The following IQGAP1 variants were observed in gnomAD, a reference collection of about 807,000 sequenced individuals.
The protein encoded by IQGAP1 is ras GTPase-activating-like protein IQGAP1.
IQGAP1 carries 66 observed loss-of-function variants against 215.6 expected under a neutral mutation model. The observed-to-expected ratio is 0.31, with a 90% CI of 0.25 to 0.38. IQGAP1 has a LOEUF of 0.38. IQGAP1 is among the 10% of genes least tolerant of loss of function. The pLI, the probability that IQGAP1 is intolerant of heterozygous loss-of-function variation, is 1.00. For synonymous variants in IQGAP1, 772 were observed against 728.7 expected (o/e 1.06, Z -0.96); for missense variants, 1,712 against 1,997.1 (o/e 0.86, Z 2.72).
rs761822160 is a variant in IQGAP1 at position 90,477,659 on chromosome 15, TTA to T, written c.3105-3_3105-2del. On this transcript the variant is annotated splice_polypyrimidine_tract_variant and splice_region_variant and intron_variant, in intron 25 of 37. Coordinates refer to ENST00000268182, the MANE Select transcript of IQGAP1 (RefSeq NM_003870.4). ...CAAGTTTAAATTTTTATCTGATGTT[TTA>T]TAGGTCGAAGGTAGATCAGATTCAA... The T allele has an allele frequency of 1.3e-6, 2 of 1,595,856 alleles. No homozygotes were observed. Among genetic ancestry groups the T allele is most frequent in the South Asian group, 2.2e-5 (2 of 90,682 alleles).
At position 90,487,594 on chromosome 15, in the gene IQGAP1, G is replaced by A. The variant is rs1433783722; in HGVS notation, c.4248+12G>A. 1 of 1,575,714 alleles carries A rather than the reference G, an allele frequency of 6.3e-7. No homozygotes were observed. The highest frequency in any genetic ancestry group is 8.7e-7 in the Non-Finnish European group (1 of 1,145,640). ...CCACCAGTGAACAGGTAAAATTTAG[G>A]GTCTAACATACTCCTTTGTTTGGTA... On this transcript the variant is annotated intron_variant, in intron 33 of 37. Coordinates refer to ENST00000268182, the MANE Select transcript of IQGAP1 (RefSeq NM_003870.4).
chr15:90,434,398 A>AT (rs1366185087), intron 5 of IQGAP1, among the ~76,000 whole-genome samples: 6 of 152,218 alleles, frequency 3.9e-5, no homozygotes, highest in African/African-American at 1.4e-4. Context: ...AGATTGCACC[A>AT]TTGCACTCCA....
chr15:90,486,404 C>A, intron 31 of IQGAP1: 1 of 273,406 alleles, frequency 3.7e-6, no homozygotes, highest in Non-Finnish European at 6.9e-6. Context: ...AAAAAAATTG[C>A]AGATACATAA....
At chr15:90,485,720 G>A (rs561752309) in intron 30 of IQGAP1, among the ~76,000 whole-genome samples, 4 of 152,212 alleles carry the variant, frequency 2.6e-5, no homozygotes, top group Admixed American at 2.0e-4. Context: ...AATTACAGAC[G>A]TGAGCCACTG....
In IQGAP1 at chr15:90,429,613, A is replaced by G. The variant is rs1457708216; in HGVS notation, c.337A>G (p.Thr113Ala). Residue 113 changes from threonine (T) to alanine (A), a missense_variant, in exon 4 of 38, where the codon ACT (threonine) becomes GCT (alanine). This residue lies in a region of IQGAP1 where 1,021 missense variants were observed against 1,074.2 expected (regional missense o/e 0.95). Coordinates refer to ENST00000268182, the MANE Select transcript of IQGAP1 (RefSeq NM_003870.4). ...YKATGLHFRH[T>A]DNVIQWLNAM... ...GGCGACTGGCCTCCACTTTAGACAC[A>G]CTGATAATGTGATTCAGTGGTTGAA... 6.2e-7 allele frequency: 1 copy of G among 1,607,366 alleles called. No individual in the cohort carries two copies. Among genetic ancestry groups the G allele is most frequent in the East Asian group, 2.2e-5 (1 of 44,646 alleles).
At chr15:90,441,421 A>G (rs986031949) in intron 7 of IQGAP1, 85 bp from the exon 8 acceptor site, 45 of 1,171,530 alleles carry the variant, frequency 3.8e-5, no homozygotes, top group Admixed American at 1.2e-4. Context: ...GGGGGGTGCA[A>G]TGTTGCTTTC....
At chr15:90,481,570 C>T (rs1227557511) in intron 26 of IQGAP1, among the ~76,000 whole-genome samples, 1 of 152,162 alleles carries the variant, frequency 6.6e-6, no homozygotes, top group Non-Finnish European at 1.5e-5. Flanking sequence ...GTTTTGGAAG[C>T]TTTCCTTGCT....
Position 90,439,381 on chromosome 15 carries a change from G to A in IQGAP1, c.517G>A (p.Gly173Arg), listed in dbSNP as rs1965416990. 6.2e-7 allele frequency: 1 copy of A among 1,612,658 alleles called. No individual in the cohort carries two copies. The highest frequency in any genetic ancestry group is 8.5e-7 in the Non-Finnish European group (1 of 1,179,056). The change falls in exon 6 of 38, where the codon GGA becomes AGA. Residue 173 changes from glycine (G) to arginine (R), a missense_variant. Gly to Arg is a moderately radical substitution (Grantham distance 125). This residue lies in a region of IQGAP1 where 1,021 missense variants were observed against 1,074.2 expected (regional missense o/e 0.95). Transcript: ENST00000268182. ...GGCCCCTCAGATTCAAGACCTATAT[G>A]GAAAGGTTGACTTCACAGGTAAGGA... is the stretch of plus-strand genomic sequence containing the variant. The part of the protein sequence containing the change: ...GLAPQIQDLY[G>R]KVDFTEEEIN...
At chr15:90,414,839 G>C (rs1034541135) in intron 2 of IQGAP1, among the ~76,000 whole-genome samples, 1 of 152,114 alleles carries the variant, frequency 6.6e-6, no homozygotes, top group African/African-American at 2.4e-5. Flanking sequence ...GACATTTCAA[G>C]CTGAACATGT....
intron 28 of IQGAP1, 101 bp downstream of exon 28, chr15:90,482,382 GC>G: frequency 9.2e-7 from 1 of 1,081,358 alleles, no homozygotes; most frequent in Non-Finnish European, 1.4e-6. Flanking sequence ...GTAGGTTCTG[GC>G]AGTAGCTTAC....
intron 1 of IQGAP1, among the ~76,000 whole-genome samples, chr15:90,389,105 G>A (rs1964597157): frequency 6.6e-6 from 1 of 152,108 alleles, no homozygotes. Flanking sequence ...CTTTTTTAAA[G>A]GATCAACATT....
chr15:90,441,714 T>A (rs2151019487), intron 8 of IQGAP1, 30 bp downstream of exon 8: 1 of 1,460,560 alleles, frequency 6.8e-7, no homozygotes, highest in Non-Finnish European at 9.5e-7. Flanking sequence ...TCTTTCTAAT[T>A]AATTTATATT....
chr15:90,483,340 T>C (rs1167012740), intron 28 of IQGAP1, 21 bp from the exon 29 acceptor site: 1 of 1,569,408 alleles, frequency 6.4e-7, no homozygotes, highest in East Asian at 2.2e-5. Context: ...AATACCCATC[T>C]TTCTGTTTCG....
chr15:90,448,688 C>G lies in IQGAP1; in HGVS notation c.1029C>G (p.Ser343Arg). ...LGLRGLQQQNSDWYLKQLLSD... is the reference protein window; with the variant it reads ...LGLRGLQQQNRDWYLKQLLSD... Reference sequence around the variant, plus strand: ...TTCGAGGACTGCAGCAACAGAATAGCGACTGGTACTTGAAGCAGCTCCTGA... The same window carrying G: ...TTCGAGGACTGCAGCAACAGAATAGGGACTGGTACTTGAAGCAGCTCCTGA... Residue 343 changes from serine (S) to arginine (R), a missense_variant, in exon 10 of 38, where the codon AGC (serine) becomes AGG (arginine). Around this residue, in one of 2 missense-constraint regions of IQGAP1, gnomAD observed 1,021 missense variants for 1,074.2 expected, o/e 0.95. Coordinates refer to ENST00000268182, the MANE Select transcript of IQGAP1 (RefSeq NM_003870.4). 1 of 1,609,330 alleles carries G rather than the reference C, an allele frequency of 6.2e-7. No individual in the cohort carries two copies. The highest frequency in any genetic ancestry group is 8.5e-7 in the Non-Finnish European group (1 of 1,177,988).
In IQGAP1 at chr15:90,486,393, T is replaced by TAA. The variant is rs35509442; in HGVS notation, c.4024+267_4024+268dup. Reference sequence around the variant, plus strand: ...TACATACTGCCAGCTTGTGTTTTTTTAAAAAAATTGCAGATACATAAATTA... The same window carrying TAA: ...TACATACTGCCAGCTTGTGTTTTTTTAAAAAAAAATTGCAGATACATAAATTA... On this transcript the variant is annotated intron_variant, in intron 31 of 37. Transcript: ENST00000268182. 5 of 281,356 alleles carry TAA rather than the reference T, an allele frequency of 1.8e-5. No homozygotes were observed. The Admixed American group carries it at 2.5e-4, about 14-fold the overall frequency. The allele number at this position is 281,356 out of a possible 1,614,324, so 17.4% of individuals were successfully genotyped here.
At chr15:90,414,547 C>T (rs1169933605) in intron 2 of IQGAP1, among the ~76,000 whole-genome samples, 1 of 152,122 alleles carries the variant, frequency 6.6e-6, no homozygotes, top group Admixed American at 6.6e-5. Context: ...GTGACCTCTA[C>T]CAGTTTGCTG....
At chr15:90,490,027 T>C (rs1966181509) in intron 33 of IQGAP1, among the ~76,000 whole-genome samples, 1 of 152,208 alleles carries the variant, frequency 6.6e-6, no homozygotes, top group Admixed American at 6.5e-5. Flanking sequence ...TTATGCTGTT[T>C]ACATTATGTG....
At chr15:90,400,728 T>G (rs1289345094) in intron 2 of IQGAP1, among the ~76,000 whole-genome samples, 1 of 152,244 alleles carries the variant, frequency 6.6e-6, no homozygotes, top group Admixed American at 6.5e-5. Context: ...CAACTGTTTT[T>G]ATATATTTTA....
At chr15:90,487,191 C>A in intron 32 of IQGAP1, 102 bp downstream of exon 32, 1 of 1,124,482 alleles carries the variant, frequency 8.9e-7, no homozygotes, top group Non-Finnish European at 1.3e-6. Flanking sequence ...CCATCCTGAC[C>A]TCTCGTACTT....
Sources: gnomAD v4.1 joint callset for allele counts (sites outside exome capture counted in the v4.1 genomes callset) on GRCh38, gnomAD v4.1.1 for gene constraint, gnomAD v4.1.1 regional missense constraint, MANE v1.5 for transcripts, NCBI Gene and HGNC (gene_info 2026-07-23, HGNC 2026-07-21) for gene names.